The following STK32A variants were observed in gnomAD, a reference collection of about 807,000 sequenced individuals.
STK32A encodes serine/threonine-protein kinase 32A.
In STK32A, 41 loss-of-function variants were observed where a neutral mutation model predicts 53.2. The ratio of observed to expected loss-of-function variants is 0.77; its 90% CI spans 0.60 to 1.00. The LOEUF (loss-of-function observed/expected upper bound fraction) is 1.00. Among genes scored for constraint, STK32A ranks in the 50% least tolerant of loss-of-function variants. The pLI is 0.00. For synonymous variants in STK32A, 166 were observed against 162.8 expected, an observed-to-expected ratio of 1.02 and a Z score of -0.15; for missense variants, 458 against 485.8, an observed-to-expected ratio of 0.94 and a Z score of 0.54.
intron 11 of STK32A, chr5:147,383,231 C>A: frequency 1.7e-6 from 1 of 584,040 alleles, no homozygotes; most frequent in Admixed American, 3.6e-5. Flanking sequence ...CCAGTGCAAT[C>A]GCTGTCTAGG....
chr5:147,355,096 A>G (rs901329434), intron 7 of STK32A, among the ~76,000 whole-genome samples: 6 of 152,246 alleles, frequency 3.9e-5, no homozygotes, highest in African/African-American at 1.2e-4. Context: ...AGAAAGAACA[A>G]AAAGAATTCT....
In STK32A at chr5:147,275,184, ATCTC is replaced by A. The variant is rs143074943; in HGVS notation, c.53-2924_53-2921del. ...CAAAATAATCCACAATTCTGACTTCATCTCTCTCTCTCTCTCTCTTTCTGATTTT... is the reference window on the plus strand; with the variant it reads ...CAAAATAATCCACAATTCTGACTTCATCTCTCTCTCTCTCTTTCTGATTTT... On this transcript the variant is annotated intron_variant, in intron 2 of 12. Transcript: ENST00000397936. Among the ~76,000 whole-genome samples, 46 of 150,526 alleles carry A rather than the reference ATCTC, an allele frequency of 3.1e-4. No individual in the cohort carries two copies. In the East Asian group the frequency reaches 6.0e-3, roughly 20 times the overall value.
At chr5:147,335,893 AATG>A (rs1201329013) in intron 5 of STK32A, among the ~76,000 whole-genome samples, 4 of 152,230 alleles carry the variant, frequency 2.6e-5, no homozygotes, top group African/African-American at 9.6e-5. Flanking sequence ...TGAAAACTGA[AATG>A]ATGATTAAGA....
chr5:147,292,667 G>A (rs10065769), intron 4 of STK32A, among the ~76,000 whole-genome samples: 56,690 of 151,910 alleles, frequency 0.37, 11,334 homozygotes, highest in East Asian at 0.59. Context: ...TCGGGAGTTC[G>A]AGACCAGCCT....
Position 147,314,640 on chromosome 5 carries a change from T to C in STK32A, c.261-9258T>C, listed in dbSNP as rs551901703. On this transcript the variant is annotated intron_variant, in intron 4 of 12. Coordinates refer to ENST00000397936, the MANE Select transcript of STK32A (RefSeq NM_001112724.2). ...TTTACATTAAAAGATAAATAAATGG[T>C]CAGTGAGCACTTCAAAAGATCCTGA... Among the ~76,000 whole-genome samples, 227 of 151,686 alleles carry C rather than the reference T, an allele frequency of 1.5e-3. 2 individuals are homozygous for C. Among genetic ancestry groups the C allele is most frequent in the Middle Eastern group, 6.9e-3 (2 of 290 alleles).
intron 5 of STK32A, 37 bp downstream of exon 5, chr5:147,324,108 G>C (rs993479300): frequency 5.8e-6 from 9 of 1,541,262 alleles, no homozygotes; most frequent in Non-Finnish European, 7.9e-6. Context: ...TGAACGTAAC[G>C]CAAGGAGAGA....
At chr5:147,284,707 C>CA (rs71583950) in intron 4 of STK32A, among the ~76,000 whole-genome samples, 24 of 60,966 alleles carry the variant, frequency 3.9e-4, no homozygotes, top group South Asian at 3.6e-3. Flanking sequence ...AAAAAAACAA[C>CA]AAAAAAAAAA....
chr5:147,342,073 C>T (rs1021638583), intron 5 of STK32A, among the ~76,000 whole-genome samples: 24 of 152,144 alleles, frequency 1.6e-4, no homozygotes, highest in African/African-American at 5.6e-4. Flanking sequence ...ATTTTTACTG[C>T]CTTTCCCTAA....
At chr5:147,345,434 T>C (rs1162123582) in intron 6 of STK32A, among the ~76,000 whole-genome samples, 1 of 152,160 alleles carries the variant, frequency 6.6e-6, no homozygotes, top group East Asian at 1.9e-4. Flanking sequence ...TGGGACTGCT[T>C]CATCTTGTTT....
intron 4 of STK32A, among the ~76,000 whole-genome samples, chr5:147,300,159 G>GT (rs1326578589): frequency 6.6e-6 from 1 of 152,048 alleles, no homozygotes; most frequent in Non-Finnish European, 1.5e-5. Flanking sequence ...ATTACTTTGG[G>GT]TTTTACATAT....
intron 2 of STK32A, among the ~76,000 whole-genome samples, chr5:147,249,337 A>G (rs576416316): frequency 6.6e-6 from 1 of 152,306 alleles, no homozygotes; most frequent in South Asian, 2.1e-4. Flanking sequence ...AAAATTGTCC[A>G]GGTAAAATGC....
At chr5:147,367,813 G>C (rs1376893252) in intron 8 of STK32A, among the ~76,000 whole-genome samples, 1 of 152,068 alleles carries the variant, frequency 6.6e-6, no homozygotes, top group Admixed American at 6.6e-5. Flanking sequence ...GACAGTTATT[G>C]AATGAATGGA....
intron 4 of STK32A, among the ~76,000 whole-genome samples, chr5:147,280,359 T>A (rs2151955468): frequency 7.5e-6 from 1 of 133,434 alleles, no homozygotes; most frequent in African/African-American, 2.8e-5. Context: ...GGGCAGGTTT[T>A]CAAGCAGGTA....
At chr5:147,306,315 C>T (rs1753406133) in intron 4 of STK32A, among the ~76,000 whole-genome samples, 1 of 151,892 alleles carries the variant, frequency 6.6e-6, no homozygotes, top group Non-Finnish European at 1.5e-5. Flanking sequence ...TCTTATTGAT[C>T]CATGAAAGCT....
chr5:147,311,959 G>A (rs1282288028), intron 4 of STK32A, among the ~76,000 whole-genome samples: 1 of 152,126 alleles, frequency 6.6e-6, no homozygotes. Context: ...GGGAAACACA[G>A]AGGAGTAACA....
intron 5 of STK32A, among the ~76,000 whole-genome samples, chr5:147,330,060 A>T (rs1754790562): frequency 6.6e-6 from 1 of 152,208 alleles, no homozygotes; most frequent in African/African-American, 2.4e-5. Context: ...AAATTCCTAC[A>T]GTCCCAGTGA....
intron 11 of STK32A, among the ~76,000 whole-genome samples, chr5:147,378,601 G>C (rs954127268): frequency 2.0e-5 from 3 of 152,026 alleles, no homozygotes; most frequent in African/African-American, 7.2e-5. Flanking sequence ...TGTTACTCTA[G>C]AGCCAAATTC....
At chr5:147,391,066 G>C (rs1022322565), downstream of STK32A, 3 of 152,608 alleles carry the variant, frequency 2.0e-5, no homozygotes, top group African/African-American at 7.2e-5. Context: ...GGCTGCCCAG[G>C]GCAGCCCATG....
At chr5:147,373,754 C>T (rs1310661729) in intron 10 of STK32A, among the ~76,000 whole-genome samples, 1 of 152,076 alleles carries the variant, frequency 6.6e-6, no homozygotes, top group African/African-American at 2.4e-5. Flanking sequence ...TGTTCTGTCT[C>T]AGGGATTTAT....
Sources: allele counts gnomAD v4.1 joint callset (sites outside exome capture counted in the v4.1 genomes callset), GRCh38; gene constraint gnomAD v4.1.1; transcripts MANE v1.5; gene names NCBI Gene and HGNC (gene_info 2026-07-23, HGNC 2026-07-21).